Variants in DST observed in about 807,000 individuals in gnomAD.
DST encodes bullous pemphigoid antigen.
Under a neutral mutation model 875.2 loss-of-function variants are expected in DST, and 253 were observed. The observed-to-expected ratio is 0.29, with a 90% CI of 0.26 to 0.32. The LOEUF is 0.32. Among genes scored for constraint, DST ranks in the 10% least tolerant of loss-of-function variants. The pLI, the probability that DST is intolerant of heterozygous loss-of-function variation, is 1.00. For synonymous variants in DST, 3,124 were observed against 3,197.1 expected (o/e 0.98, Z 0.77); for missense variants, 8,287 against 9,111.6 (o/e 0.91, Z 3.68).
chr6:56,603,026 T>C lies in DST; in HGVS notation c.11163A>G (p.Lys3721=). Residue 3721 remains lysine (K), a synonymous_variant, in exon 43 of 104, where the codon AAA becomes AAG. Coordinates refer to ENST00000680361, the MANE Select transcript of DST (RefSeq NM_001374736.1). ...GAAATTCTTCATGGGAAACTGCTAG[T>C]TTAGACTAGAAAAAAAAATTGTGCA... ...IMLAIDSEMS[K]LAVSHEEFLH... 2 of 1,567,810 alleles carry C rather than the reference T, an allele frequency of 1.3e-6. No individual in the cohort carries two copies. Among genetic ancestry groups the C allele is most frequent in the South Asian group, 1.2e-5 (1 of 82,962 alleles).
In DST at chr6:56,704,324, G is replaced by A; in HGVS notation, c.733C>T (p.His245Tyr). The A allele has an allele frequency of 6.3e-7, 1 of 1,576,114 alleles. No individual in the cohort carries two copies. Among genetic ancestry groups the A allele is most frequent in the Non-Finnish European group, 8.6e-7 (1 of 1,160,126 alleles). The change falls in exon 6 of 104, where the codon CAC (histidine) becomes TAC (tyrosine). Residue 245 changes from histidine to tyrosine, a missense_variant. Transcript: ENST00000680361. ...NDLYEDLRDG[H>Y]NLISLLEVLS... is the part of the protein sequence containing the mutation. Reference sequence around the variant, plus strand: ...ACCTCTAAAAGAGAAATCAAATTGTGTCCATCCCTTAAGTCTTCATAGAGA... The same window carrying A: ...ACCTCTAAAAGAGAAATCAAATTGTATCCATCCCTTAAGTCTTCATAGAGA...
Position 56,598,457 on chromosome 6 carries a change from C to G in DST, c.11928+19G>C. The stretch of plus-strand genomic sequence containing the variant: ...GCTTTTTGACATAGCAATAGTGCAC[C>G]ACATATTTGAATAAGGACCTTTTCA... On this transcript the variant is annotated intron_variant, in intron 46 of 103. Coordinates refer to ENST00000680361, the MANE Select transcript of DST (RefSeq NM_001374736.1). The G allele has an allele frequency of 6.8e-7, 1 of 1,462,056 alleles. No individual in the cohort carries two copies. Among genetic ancestry groups the G allele is most frequent in the Non-Finnish European group, 9.2e-7 (1 of 1,083,182 alleles). 90.6% of individuals were successfully genotyped at this position (1,462,056 alleles called of 1,614,324 possible).
At chr6:56,833,678 A>C (rs1219010295) in intron 4 of DST, among the ~76,000 whole-genome samples, 1 of 152,166 alleles carries the variant, frequency 6.6e-6, no homozygotes, top group East Asian at 1.9e-4. Flanking sequence ...ATACAACTCT[A>C]TGAAGCAGAT....
chr6:56,731,350 C>T (rs1357507874), intron 5 of DST, among the ~76,000 whole-genome samples: 2 of 152,238 alleles, frequency 1.3e-5, no homozygotes, highest in Non-Finnish European at 2.9e-5. Context: ...GTAACTGGGA[C>T]TACAGGTGTG....
intron 45 of DST, 148 bp downstream of exon 45, chr6:56,599,921 T>G (rs1362987042): frequency 1.6e-6 from 1 of 636,120 alleles, no homozygotes; most frequent in Non-Finnish European, 2.4e-6. Context: ...AGTATAAAGT[T>G]TAAAGCTCAA....
At chr6:56,919,479 C>A (rs935684668) in intron 2 of DST, among the ~76,000 whole-genome samples, 25 of 152,104 alleles carry the variant, frequency 1.6e-4, no homozygotes, top group African/African-American at 6.0e-4. Context: ...TTATTGTATT[C>A]ATTTTTTAAT....
At chr6:56,507,100 G>A (rs1158629643) in intron 75 of DST, among the ~76,000 whole-genome samples, 1 of 152,052 alleles carries the variant, frequency 6.6e-6, no homozygotes, top group African/African-American at 2.4e-5. Flanking sequence ...AAGACATTTT[G>A]GTTTCCAAAC....
intron 22 of DST, among the ~76,000 whole-genome samples, 179 bp from the exon 23 acceptor site, chr6:56,636,831 C>T (rs1384952628): frequency 2.6e-5 from 4 of 152,194 alleles, no homozygotes; most frequent in Non-Finnish European, 5.9e-5. Flanking sequence ...CCTGTAGTCC[C>T]AACACTTTGG....
chr6:56,709,137 C>T (rs1263265702), intron 5 of DST, among the ~76,000 whole-genome samples: 2 of 152,158 alleles, frequency 1.3e-5, no homozygotes, highest in Non-Finnish European at 2.9e-5. Context: ...ACACAATTCT[C>T]GTAGAATTTT....
chr6:56,716,334 T>A (rs2099394418), intron 5 of DST, among the ~76,000 whole-genome samples: 1 of 152,208 alleles, frequency 6.6e-6, no homozygotes, highest in African/African-American at 2.4e-5. Flanking sequence ...CAAATGATGC[T>A]GGGAAACTGA....
At chr6:56,770,535 T>G (rs1361862199) in intron 4 of DST, among the ~76,000 whole-genome samples, 3 of 152,098 alleles carry the variant, frequency 2.0e-5, no homozygotes, top group Non-Finnish European at 2.9e-5. Flanking sequence ...CACATAGAGT[T>G]GGGGGCTCAG....
intron 49 of DST, among the ~76,000 whole-genome samples, chr6:56,591,818 C>T (rs374542263): frequency 7.6e-4 from 115 of 151,796 alleles, no homozygotes; most frequent in African/African-American, 2.6e-3. Flanking sequence ...ACTAAAAATA[C>T]AAAAATTAGC....
chr6:56,498,962 A>G (rs116435525), intron 80 of DST, among the ~76,000 whole-genome samples: 2,694 of 152,278 alleles, frequency 0.018, 74 homozygotes, highest in African/African-American at 0.058. Context: ...GAATAGGTTA[A>G]TAACGCTTAA....
rs555949168 is a variant in DST, at chr6:56,690,833, C to A, written c.1047+8820G>T. Among the ~76,000 whole-genome samples, 58 of 152,238 alleles carry A rather than the reference C, an allele frequency of 3.8e-4. 1 individual carries two copies. The highest frequency in any genetic ancestry group is 3.4e-3 in the Middle Eastern group (1 of 294). On this transcript the variant is annotated intron_variant, in intron 9 of 103. Coordinates refer to ENST00000680361, the MANE Select transcript of DST (RefSeq NM_001374736.1). Reference sequence around the variant, plus strand: ...AATTAAGAAACAGAGTCAAACACCTCCAAGGTAACAGGAAGAATGTCCTAA... The same window carrying A: ...AATTAAGAAACAGAGTCAAACACCTACAAGGTAACAGGAAGAATGTCCTAA...
At chr6:56,705,313 A>G (rs1322325500) in intron 5 of DST, among the ~76,000 whole-genome samples, 1 of 152,216 alleles carries the variant, frequency 6.6e-6, no homozygotes, top group African/African-American at 2.4e-5. Flanking sequence ...AATCCCACCT[A>G]CTTCACCCAT....
At chr6:56,558,002 A>G (rs2097456853) in intron 58 of DST, among the ~76,000 whole-genome samples, 1 of 152,172 alleles carries the variant, frequency 6.6e-6, no homozygotes, top group African/African-American at 2.4e-5. Flanking sequence ...AGTCTCACCA[A>G]TTAAACTCAA....
intron 9 of DST, among the ~76,000 whole-genome samples, chr6:56,673,165 A>G (rs914025113): frequency 6.6e-6 from 1 of 152,142 alleles, no homozygotes; most frequent in African/African-American, 2.4e-5. Flanking sequence ...AGATCGCCTG[A>G]GTCTAGGAGG....
chr6:56,840,710 T>C (rs1169765707), intron 4 of DST, among the ~76,000 whole-genome samples: 1 of 152,228 alleles, frequency 6.6e-6, no homozygotes, highest in East Asian at 1.9e-4. Context: ...TTCTTGTTTT[T>C]CTACAGAGTC....
Position 56,552,722 on chromosome 6 carries a change from T to C in DST, c.16070A>G (p.Glu5357Gly), listed in dbSNP as rs1381740492. Residue 5357 changes from glutamate (E) to glycine (G), a missense_variant, in exon 61 of 104, where the codon GAA becomes GGA. Transcript: ENST00000680361. ...KGTSDVLLQV[E>G]TIAQEHSTLS... Reference sequence around the variant, plus strand: ...TGTACTATGCTCTTGAGCTATGGTTTCCACTTGTAATAAAACATCAGAGGT... The same window carrying C: ...TGTACTATGCTCTTGAGCTATGGTTCCCACTTGTAATAAAACATCAGAGGT... 1 of 1,612,472 alleles carries C rather than the reference T, an allele frequency of 6.2e-7. No individual in the cohort carries two copies. Among genetic ancestry groups the C allele is most frequent in the Non-Finnish European group, 8.5e-7 (1 of 1,179,882 alleles).
Sources: allele counts gnomAD v4.1 joint callset (sites outside exome capture counted in the v4.1 genomes callset), GRCh38; gene constraint gnomAD v4.1.1; transcripts MANE v1.5; gene names NCBI Gene and HGNC (gene_info 2026-07-23, HGNC 2026-07-21).